Variants in EPB41L5 observed in about 807,000 individuals in gnomAD.
The protein encoded by EPB41L5 is band 4.1-like protein 5.
Under a neutral mutation model 106.6 loss-of-function variants are expected in EPB41L5, and 55 were observed. The ratio of observed to expected loss-of-function variants is 0.52; its 90% CI spans 0.42 to 0.65. EPB41L5 has a LOEUF of 0.65. EPB41L5 is among the 30% of genes least tolerant of loss of function. The pLI is 0.00. For missense variants in EPB41L5, 871 were observed against 882.1 expected (o/e 0.99, Z 0.16); for synonymous variants, 297 against 306.7 (o/e 0.97, Z 0.33).
At chr2:120,147,956 C>G (rs1250968573) in intron 20 of EPB41L5, among the ~76,000 whole-genome samples, 1 of 152,020 alleles carries the variant, frequency 6.6e-6, no homozygotes, top group African/African-American at 2.4e-5. Context: ...TCTTTTCCTT[C>G]TCTTTTAATC....
At chr2:120,151,189 A>G (rs577292891) in intron 20 of EPB41L5, among the ~76,000 whole-genome samples, 27 of 152,008 alleles carry the variant, frequency 1.8e-4, no homozygotes, top group Non-Finnish European at 3.5e-4. Flanking sequence ...AGTCCCAGCT[A>G]CTCGGGAGGC....
intron 16 of EPB41L5, among the ~76,000 whole-genome samples, chr2:120,114,042 T>C (rs555107456): frequency 2.0e-4 from 30 of 152,348 alleles, no homozygotes; most frequent in African/African-American, 6.5e-4. Context: ...ATAGTAACTC[T>C]ATTTTTAACA....
At chr2:120,065,145 G>T (rs1048441250) in intron 3 of EPB41L5, among the ~76,000 whole-genome samples, 1 of 152,064 alleles carries the variant, frequency 6.6e-6, no homozygotes, top group Non-Finnish European at 1.5e-5. Flanking sequence ...TAGAGATGGG[G>T]TCTTGTTCTG....
chr2:120,032,706 G>T (rs1678795055), intron 2 of EPB41L5, among the ~76,000 whole-genome samples: 1 of 152,138 alleles, frequency 6.6e-6, no homozygotes, highest in South Asian at 2.1e-4. Context: ...CACATTTCCA[G>T]GCCCGGTTTT....
chr2:120,052,627 A>C (rs1680363536), intron 3 of EPB41L5, among the ~76,000 whole-genome samples: 1 of 152,146 alleles, frequency 6.6e-6, no homozygotes, highest in Non-Finnish European at 1.5e-5. Flanking sequence ...GGTCAATGGG[A>C]GCTGCTTCAA....
intron 20 of EPB41L5, among the ~76,000 whole-genome samples, chr2:120,154,653 G>A (rs978821025): frequency 2.6e-5 from 4 of 151,924 alleles, no homozygotes; most frequent in African/African-American, 4.8e-5. Context: ...TGGGCCAGGC[G>A]TGGTGGCTCA....
intron 3 of EPB41L5, among the ~76,000 whole-genome samples, chr2:120,070,143 A>T (rs13012932): frequency 0.63 from 96,299 of 151,936 alleles, 31,936 homozygotes; most frequent in Middle Eastern, 0.74. Flanking sequence ...AAATGATAAA[A>T]TGGAAATCAC....
At chr2:120,074,470 C>A in intron 5 of EPB41L5, 1 of 233,700 alleles carries the variant, frequency 4.3e-6, no homozygotes, top group Non-Finnish European at 8.1e-6. Context: ...TCACATGTTT[C>A]AATACATTGC....
At chr2:120,102,022 A>G (rs1558876349) in intron 16 of EPB41L5, among the ~76,000 whole-genome samples, 1 of 152,192 alleles carries the variant, frequency 6.6e-6, no homozygotes, top group Non-Finnish European at 1.5e-5. Flanking sequence ...TCTTATGGAA[A>G]ACACAGCTCC....
intron 20 of EPB41L5, among the ~76,000 whole-genome samples, chr2:120,152,050 T>TC (rs1373920278): frequency 1.3e-5 from 2 of 152,312 alleles, no homozygotes; most frequent in South Asian, 4.1e-4. Flanking sequence ...GGCTAGAACT[T>TC]CCAGTACAGT....
chr2:120,063,767 CCT>C (rs897810918), intron 3 of EPB41L5, among the ~76,000 whole-genome samples: 4 of 152,050 alleles, frequency 2.6e-5, no homozygotes, highest in African/African-American at 9.7e-5. Context: ...ATGGCGAAAC[CCT>C]GTCTCTATTA....
intron 16 of EPB41L5, chr2:120,106,324 A>G: frequency 1.0e-6 from 1 of 985,352 alleles, no homozygotes; most frequent in Non-Finnish European, 1.2e-6. Context: ...AGAAGTTCCC[A>G]TATGCTTCAG....
At chr2:120,039,297 A>T (rs7593632) in intron 2 of EPB41L5, among the ~76,000 whole-genome samples, 5 of 151,824 alleles carry the variant, frequency 3.3e-5, no homozygotes, top group African/African-American at 4.8e-5. Context: ...GTGGGGGATG[A>T]TTTTTTTAAT....
chr2:120,081,717 G>T (rs1682681931), intron 10 of EPB41L5, among the ~76,000 whole-genome samples: 1 of 152,102 alleles, frequency 6.6e-6, no homozygotes, highest in African/African-American at 2.4e-5. Context: ...CTATTTTCAT[G>T]ATATTGATTC....
At chr2:120,088,689 T>C (rs1683224831) in intron 11 of EPB41L5, among the ~76,000 whole-genome samples, 1 of 151,974 alleles carries the variant, frequency 6.6e-6, no homozygotes, top group Non-Finnish European at 1.5e-5. Flanking sequence ...AAGTATTTAA[T>C]ACGAGTTTAT....
intron 1 of EPB41L5, among the ~76,000 whole-genome samples, chr2:120,017,316 C>A (rs1677591301): frequency 6.6e-6 from 1 of 152,172 alleles, no homozygotes; most frequent in Admixed American, 6.5e-5. Flanking sequence ...TTATTATGTA[C>A]CTCCTGTCTG....
intron 20 of EPB41L5, among the ~76,000 whole-genome samples, chr2:120,154,830 G>T (rs1686834046): frequency 6.6e-6 from 1 of 152,076 alleles, no homozygotes; most frequent in Non-Finnish European, 1.5e-5. Flanking sequence ...GGAGGCTGAG[G>T]CAGGAGAATG....
intron 20 of EPB41L5, among the ~76,000 whole-genome samples, chr2:120,146,835 T>C (rs981447169): frequency 1.3e-5 from 2 of 152,218 alleles, no homozygotes; most frequent in Non-Finnish European, 2.9e-5. Context: ...TGTTAAAAAA[T>C]GTTGAGCAAA....
rs1383127940 is a variant in EPB41L5 at position 120,055,071 on chromosome 2, G to A, written c.285+12961G>A. The stretch of plus-strand genomic sequence containing the variant: ...AGCAGAGATGGGGTTTGTTCATGTT[G>A]GCAGGCTGGTCCCAAACTCGACCTC... On this transcript the variant is annotated intron_variant, in intron 3 of 24. Coordinates refer to ENST00000263713, the MANE Select transcript of EPB41L5 (RefSeq NM_020909.4). Among the ~76,000 whole-genome samples, 3 of 151,882 alleles carry A rather than the reference G, an allele frequency of 2.0e-5. No homozygotes were observed. The East Asian group carries it at 5.8e-4, about 29-fold the overall frequency.
Sources: gnomAD v4.1 joint callset for allele counts (sites outside exome capture counted in the v4.1 genomes callset) on GRCh38, gnomAD v4.1.1 for gene constraint, MANE v1.5 for transcripts, NCBI Gene and HGNC (gene_info 2026-07-23, HGNC 2026-07-21) for gene names.